The following TMPRSS15 variants were observed in gnomAD, a reference collection of about 807,000 sequenced individuals.
The protein encoded by TMPRSS15 is enteropeptidase.
A neutral mutation model predicts 125.3 loss-of-function variants in TMPRSS15; 128 were observed. The observed-to-expected ratio is 1.02, with a 90% CI of 0.89 to 1.18. The LOEUF is 1.18. Among genes scored for constraint, TMPRSS15 ranks in the 50% most tolerant of loss-of-function variants. The pLI is 0.00. For missense variants in TMPRSS15, 1,283 were observed against 1,212.7 expected (o/e 1.06, Z -0.86); for synonymous variants, 446 against 423.2 (o/e 1.05, Z -0.66).
intron 24 of TMPRSS15, among the ~76,000 whole-genome samples, chr21:18,272,669 G>A (rs1475436644): frequency 2.0e-5 from 3 of 152,138 alleles, no homozygotes; most frequent in Non-Finnish European, 4.4e-5. Context: ...AGGTTGCAGT[G>A]AGTGGAGATC....
intron 10 of TMPRSS15, among the ~76,000 whole-genome samples, chr21:18,347,434 G>A (rs1416143350): frequency 6.6e-6 from 1 of 151,900 alleles, no homozygotes; most frequent in South Asian, 2.1e-4. Flanking sequence ...ATGGAGTTTC[G>A]CCATGTTAGC....
intron 3 of TMPRSS15, among the ~76,000 whole-genome samples, chr21:18,389,770 C>A (rs2075975759): frequency 2.6e-5 from 4 of 152,078 alleles, no homozygotes; most frequent in Admixed American, 2.0e-4. Flanking sequence ...ACTTTCCTAC[C>A]TCTTTTTGGT....
chr21:18,373,314 G>T (rs1349148318), intron 5 of TMPRSS15, among the ~76,000 whole-genome samples: 1 of 151,988 alleles, frequency 6.6e-6, no homozygotes, highest in Non-Finnish European at 1.5e-5. Context: ...TTAGACATTT[G>T]TAACTGGCTG....
rs189952760 is a variant in TMPRSS15 at position 18,282,029 on chromosome 21, C to T, written c.2487-808G>A. Among the ~76,000 whole-genome samples, 198 of 126,264 alleles carry T rather than the reference C, an allele frequency of 1.6e-3. 2 individuals are homozygous for T. The highest frequency in any genetic ancestry group is 6.3e-3 in the South Asian group (23 of 3,678). 82.8% of individuals were successfully genotyped at this position (126,264 alleles called of 152,430 possible). ...AGGAGAATGGCGTGAACCCGGGGGG[C>T]GGAGCTTGCAGTGAGCCGAGATTGC... On this transcript the variant is annotated intron_variant, in intron 21 of 24. Transcript: ENST00000284885.
At chr21:18,315,998 G>C (rs1158286037) in intron 16 of TMPRSS15, among the ~76,000 whole-genome samples, 1 of 145,914 alleles carries the variant, frequency 6.9e-6, no homozygotes, top group Non-Finnish European at 1.5e-5. Flanking sequence ...TTGTGTACGT[G>C]TACCCTAGAA....
Position 18,315,169 on chromosome 21 carries a change from T to C in TMPRSS15, c.2009A>G (p.Asp670Gly). Residue 670 changes from aspartate to glycine, a missense_variant, in exon 17 of 25, where the codon GAT becomes GGT. Transcript: ENST00000284885. ...ACCACAATCTGCTTCATCTGAGCCA[T>C]CCTCACAGTGCAGATGACCGTCACA... is the stretch of plus-strand genomic sequence containing the variant. ...NLCDGHLHCEDGSDEADCVRF... is the reference protein window; with the variant it reads ...NLCDGHLHCEGGSDEADCVRF... The C allele has an allele frequency of 1.9e-6, 3 of 1,613,692 alleles. No individual in the cohort carries two copies. The highest frequency in any genetic ancestry group is 2.2e-5 in the East Asian group (1 of 44,868).
intron 21 of TMPRSS15, among the ~76,000 whole-genome samples, chr21:18,288,834 C>T (rs2076852213): frequency 6.6e-6 from 1 of 150,726 alleles, no homozygotes; most frequent in South Asian, 2.1e-4. Context: ...CCACACCCGG[C>T]CGCTCTTCCT....
intron 8 of TMPRSS15, among the ~76,000 whole-genome samples, chr21:18,354,897 T>C (rs146436477): frequency 6.6e-6 from 1 of 151,966 alleles, no homozygotes; most frequent in African/African-American, 2.4e-5. Context: ...TTATTTAACA[T>C]TGAGTTCTGA....
intron 10 of TMPRSS15, among the ~76,000 whole-genome samples, chr21:18,352,180 C>T (rs1340145011): frequency 1.3e-5 from 2 of 151,940 alleles, no homozygotes; most frequent in Admixed American, 1.3e-4. Context: ...CATGATTGAT[C>T]TTCCCACTAC....
intron 13 of TMPRSS15, among the ~76,000 whole-genome samples, chr21:18,338,540 A>G (rs1445266635): frequency 6.6e-6 from 1 of 152,162 alleles, no homozygotes; most frequent in East Asian, 1.9e-4. Flanking sequence ...AAGTGAGACA[A>G]TTATTTTTAA....
At chr21:18,465,056 T>C (rs965291949) in intron 1 of TMPRSS15, among the ~76,000 whole-genome samples, 5 of 152,136 alleles carry the variant, frequency 3.3e-5, no homozygotes, top group African/African-American at 9.7e-5. Context: ...AAAAAGCTTA[T>C]CCACCATGAT....
rs1368191664 is a variant in TMPRSS15, at chr21:18,297,728, A to G, written c.2261+6T>C. The stretch of plus-strand genomic sequence containing the variant: ...AACTAGTCTAAGAACAGATTTAGGG[A>G]CCCACCTGGGTGTTAGTATTAAGTG... On this transcript the variant is annotated splice_donor_region_variant and intron_variant, in intron 19 of 24. Coordinates refer to ENST00000284885, the MANE Select transcript of TMPRSS15 (RefSeq NM_002772.3). The G allele has an allele frequency of 6.2e-7, 1 of 1,608,606 alleles. No individual in the cohort carries two copies. The highest frequency in any genetic ancestry group is 1.7e-5 in the Admixed American group (1 of 60,008).
chr21:18,273,462 T>C (rs1175611552), intron 24 of TMPRSS15, among the ~76,000 whole-genome samples: 1 of 152,246 alleles, frequency 6.6e-6, no homozygotes, highest in Non-Finnish European at 1.5e-5. Flanking sequence ...CATTTTATTA[T>C]ACAAGGTATT....
intron 7 of TMPRSS15, among the ~76,000 whole-genome samples, chr21:18,363,291 C>T (rs1348170787): frequency 6.6e-6 from 1 of 151,904 alleles, no homozygotes; most frequent in East Asian, 1.9e-4. Context: ...ATTTATCAAT[C>T]ATAGATTTCT....
At chr21:18,413,342 T>TCCTTCCTTCCTTCCTG in intron 1 of TMPRSS15, among the ~76,000 whole-genome samples, 1 of 142,698 alleles carries the variant, frequency 7.0e-6, no homozygotes, top group Non-Finnish European at 1.5e-5. Flanking sequence ...CTTCCTTCCT[T>TCCTTCCTTCCTTCCTG]CCTTCCTTCC....
In TMPRSS15 at chr21:18,459,286, T is replaced by C. The variant is rs536646794; in HGVS notation, c.10+26513A>G. 9.1e-4 allele frequency among the ~76,000 whole-genome samples: 139 copies of C among 152,212 alleles called. 1 individual carries two copies. Among genetic ancestry groups the C allele is most frequent in the Non-Finnish European group, 1.6e-3 (110 of 67,996 alleles). On this transcript the variant is annotated intron_variant, in intron 1 of 7. Transcript: ENST00000422787. ...GTCTACTCTTTTTTTTTTTTCTTTT[T>C]CTTTTGAGACAGAGTCTTGCTCTGT...
chr21:18,471,487 A>C (rs1373699269), intron 1 of TMPRSS15, among the ~76,000 whole-genome samples: 5 of 148,146 alleles, frequency 3.4e-5, no homozygotes, highest in South Asian at 2.2e-4. Context: ...AAAAAAAAAA[A>C]CAGCATAATA....
intron 4 of TMPRSS15, among the ~76,000 whole-genome samples, chr21:18,380,990 A>G (rs1198969802): frequency 6.6e-6 from 1 of 152,140 alleles, no homozygotes; most frequent in Non-Finnish European, 1.5e-5. Flanking sequence ...CACATAATGA[A>G]TATTTCCTTG....
intron 1 of TMPRSS15, among the ~76,000 whole-genome samples, chr21:18,468,503 G>A (rs1400190593): frequency 6.6e-6 from 1 of 151,104 alleles, no homozygotes. Flanking sequence ...ACAGAAGAGA[G>A]AAATCCAGGA....
Sources: allele counts gnomAD v4.1 joint callset (sites outside exome capture counted in the v4.1 genomes callset), GRCh38; gene constraint gnomAD v4.1.1; transcripts MANE v1.5; gene names NCBI Gene and HGNC (gene_info 2026-07-23, HGNC 2026-07-21).